SORCS2: variants seen among roughly 807,000 people sequenced by gnomAD.
The protein encoded by SORCS2 is VPS10 domain-containing receptor SorCS2.
A neutral mutation model predicts 141.6 loss-of-function variants in SORCS2; 100 were observed. That is an observed-to-expected ratio of 0.71 (90% CI 0.60 to 0.83). SORCS2 has a LOEUF of 0.83. Ranked by LOEUF, SORCS2 falls within the 40% of genes least tolerant of loss-of-function variation. The pLI is 0.00. For missense variants in SORCS2, 1,646 were observed against 1,560.2 expected (o/e 1.05, Z -0.93); for synonymous variants, 789 against 676.9 (o/e 1.17, Z -2.57).
intron 7 of SORCS2, among the ~76,000 whole-genome samples, chr4:7,665,422 C>T (rs2108927070): frequency 6.6e-6 from 1 of 152,354 alleles, no homozygotes; most frequent in Non-Finnish European, 1.5e-5. Flanking sequence ...CAGCCCCTGG[C>T]TTTTGATCCT....
rs573614474 is a variant in SORCS2 at position 7,312,410 on chromosome 4, G to A, written c.481-83878G>A. On this transcript the variant is annotated intron_variant, in intron 1 of 26. Transcript: ENST00000507866. Reference sequence around the variant, plus strand: ...GGGATGCCCCTCATGGGTTTTGCTCGGATCAGGGCACAATGACCCCTCTGA... The same window carrying A: ...GGGATGCCCCTCATGGGTTTTGCTCAGATCAGGGCACAATGACCCCTCTGA... Among the ~76,000 whole-genome samples, 239 of 152,240 alleles carry A rather than the reference G, an allele frequency of 1.6e-3. 1 individual carries two copies. The highest frequency in any genetic ancestry group is 5.5e-3 in the African/African-American group (230 of 41,544).
At chr4:7,220,708 C>T (rs191982220) in intron 1 of SORCS2, among the ~76,000 whole-genome samples, 7 of 152,258 alleles carry the variant, frequency 4.6e-5, no homozygotes, top group Middle Eastern at 3.4e-3. Context: ...TTTCCGGCCC[C>T]ATTTTGCACG....
intron 3 of SORCS2, among the ~76,000 whole-genome samples, chr4:7,628,534 G>A (rs1318254774): frequency 1.6e-5 from 2 of 128,180 alleles, no homozygotes; most frequent in African/African-American, 5.3e-5. Flanking sequence ...AAAAAAAAAA[G>A]CTAGAAGTGA....
At chr4:7,712,978 G>A (rs1725928884) in intron 15 of SORCS2, 125 bp downstream of exon 15, 27 of 1,393,644 alleles carry the variant, frequency 1.9e-5, no homozygotes, top group Non-Finnish European at 2.5e-5. Flanking sequence ...GAAGTCTTCA[G>A]GGAATCCCCA....
At chr4:7,452,825 T>C (rs1728554850) in intron 2 of SORCS2, among the ~76,000 whole-genome samples, 1 of 151,872 alleles carries the variant, frequency 6.6e-6, no homozygotes, top group African/African-American at 2.4e-5. Flanking sequence ...TCAGGCTCCG[T>C]GTTGGGGTCA....
intron 1 of SORCS2, among the ~76,000 whole-genome samples, chr4:7,284,705 C>A (rs970583129): frequency 6.6e-6 from 1 of 152,174 alleles, no homozygotes; most frequent in Non-Finnish European, 1.5e-5. Flanking sequence ...GGTTCTAGAA[C>A]TCAGGTCAGC....
intron 1 of SORCS2, among the ~76,000 whole-genome samples, chr4:7,207,478 G>A (rs1322219765): frequency 6.6e-6 from 1 of 152,168 alleles, no homozygotes; most frequent in Non-Finnish European, 1.5e-5. Context: ...TCCTGGAGGC[G>A]GGCAGGTTCA....
intron 21 of SORCS2, among the ~76,000 whole-genome samples, chr4:7,727,834 C>T (rs762210500): frequency 6.6e-6 from 1 of 152,142 alleles, no homozygotes; most frequent in Non-Finnish European, 1.5e-5. Flanking sequence ...GGGCTTTGAG[C>T]CATGGACTAT....
In SORCS2 at chr4:7,193,926, C is replaced by A. The variant is rs1177132002; in HGVS notation, c.480+800C>A. ...GGGCTCCCACCCTTCCCAAATCCTG[C>A]CTCCTCTGGCCTTTGGTGGTGCATG... is the stretch of plus-strand genomic sequence containing the variant. On this transcript the variant is annotated intron_variant, in intron 1 of 26. Transcript: ENST00000507866. This position sits in a 1 kb window ranked among gnomAD's most constrained non-coding sequence, Gnocchi z 4.8. 6.6e-6 allele frequency among the ~76,000 whole-genome samples: 1 copy of A among 152,198 alleles called. No homozygotes were observed. The highest frequency in any genetic ancestry group is 2.1e-4 in the South Asian group (1 of 4,832).
At chr4:7,545,736 C>T (rs984682068) in intron 3 of SORCS2, among the ~76,000 whole-genome samples, 1 of 152,226 alleles carries the variant, frequency 6.6e-6, no homozygotes, top group Non-Finnish European at 1.5e-5. Context: ...TGGGCACCTG[C>T]CTGCCTTTCT....
chr4:7,427,567 C>T (rs565026080), intron 2 of SORCS2, among the ~76,000 whole-genome samples: 16 of 152,220 alleles, frequency 1.1e-4, no homozygotes, highest in African/African-American at 2.6e-4. Context: ...TGTGTTAGTG[C>T]GTTCTTGGGT....
chr4:7,407,164 T>G (rs1725019312), intron 2 of SORCS2, among the ~76,000 whole-genome samples: 1 of 152,136 alleles, frequency 6.6e-6, no homozygotes, highest in Admixed American at 6.6e-5. Context: ...GGGTGAAATG[T>G]TCCATAAATG....
At chr4:7,434,682 T>C (rs781539651) in intron 2 of SORCS2, 3 of 1,612,756 alleles carry the variant, frequency 1.9e-6, no homozygotes, top group Non-Finnish European at 2.5e-6. Context: ...TGTCCTGGCA[T>C]ACGTCGCAGG....
chr4:7,222,300 C>T (rs1238995837), intron 1 of SORCS2, among the ~76,000 whole-genome samples: 1 of 152,166 alleles, frequency 6.6e-6, no homozygotes, highest in Non-Finnish European at 1.5e-5. Context: ...GAATATTATT[C>T]AGCCATGGAC....
At chr4:7,294,011 C>T (rs780375490) in intron 1 of SORCS2, among the ~76,000 whole-genome samples, 15 of 152,154 alleles carry the variant, frequency 9.9e-5, no homozygotes, top group Non-Finnish European at 1.6e-4. Flanking sequence ...TTTTTACCCA[C>T]GCTCCTGAGA....
intron 25 of SORCS2, 137 bp downstream of exon 25, chr4:7,734,511 TG>T: frequency 1.6e-6 from 1 of 634,028 alleles, no homozygotes; most frequent in Non-Finnish European, 2.6e-6. Flanking sequence ...GTGCCTGTGA[TG>T]GGCTGCAGGG....
intron 2 of SORCS2, among the ~76,000 whole-genome samples, chr4:7,501,682 G>A (rs7670574): frequency 0.55 from 82,930 of 151,628 alleles, 24,712 homozygotes; most frequent in East Asian, 0.95. Context: ...TGGTCTCATT[G>A]TCCCTGTGTG....
chr4:7,448,387 C>G (rs1194028307), intron 2 of SORCS2, among the ~76,000 whole-genome samples: 1 of 151,656 alleles, frequency 6.6e-6, no homozygotes, highest in Admixed American at 6.6e-5. Flanking sequence ...GCCTGCCTGT[C>G]TTCCTCCCTT....
intron 1 of SORCS2, among the ~76,000 whole-genome samples, chr4:7,395,573 G>T (rs771016783): frequency 9.2e-5 from 14 of 152,098 alleles, no homozygotes; most frequent in Non-Finnish European, 1.9e-4. Context: ...TCAAAAGACA[G>T]TTAGGTGCTC....
Sources: gnomAD v4.1 joint callset for allele counts (sites outside exome capture counted in the v4.1 genomes callset) on GRCh38, gnomAD v4.1.1 for gene constraint, Gnocchi (gnomAD v3.1) non-coding constraint, MANE v1.5 for transcripts, NCBI Gene and HGNC (gene_info 2026-07-23, HGNC 2026-07-21) for gene names.